The following ZNF410 variants were observed in gnomAD, a reference collection of about 807,000 sequenced individuals.
The protein encoded by ZNF410 is another partner for ARF 1.
A neutral mutation model predicts 54.8 loss-of-function variants in ZNF410; 18 were observed. The ratio of observed to expected loss-of-function variants is 0.33; its 90% CI spans 0.23 to 0.49. The LOEUF is 0.49. Ranked by LOEUF, ZNF410 falls within the 20% of genes least tolerant of loss-of-function variation. ZNF410 has a pLI of 0.99. For missense variants in ZNF410, 405 were observed against 569.6 expected (o/e 0.71, Z 2.94); for synonymous variants, 191 against 207.3 (o/e 0.92, Z 0.68).
At position 73,921,064 on chromosome 14, in the gene ZNF410, T is replaced by TGCAGCTGGGA; in HGVS notation, c.1100_1109dup (p.Gln371SerfsTer11). The TGCAGCTGGGA allele has an allele frequency of 6.2e-7, 1 of 1,613,144 alleles. No homozygotes were observed. Among genetic ancestry groups the TGCAGCTGGGA allele is most frequent in the Non-Finnish European group, 8.5e-7 (1 of 1,179,690 alleles). ...AATGTGCATATGAGAAAGCATCACCTGCAGCTGGGAGCAGCTGGGAGTCAA... is the reference window on the plus strand; with the variant it reads ...AATGTGCATATGAGAAAGCATCACCTGCAGCTGGGAGCAGCTGGGAGCAGCTGGGAGTCAA... On this transcript the variant is annotated frameshift_variant, in exon 9 of 12. Transcript: ENST00000555044. LOFTEE classifies it high-confidence loss of function.
At chr14:73,909,677 A>C in intron 8 of ZNF410, 1 of 384,454 alleles carries the variant, frequency 2.6e-6, no homozygotes, top group Non-Finnish European at 4.7e-6. Context: ...GAGATCAGCA[A>C]ATTTGTTTGG....
chr14:73,916,734 G>A (rs952675782), intron 8 of ZNF410: 2 of 152,066 alleles, frequency 1.3e-5, no homozygotes, highest in Non-Finnish European at 1.5e-5. Context: ...GGCACTTTGG[G>A]AGGCTGAGGC....
chr14:73,924,222 G>A (rs143721911), intron 11 of ZNF410, among the ~76,000 whole-genome samples: 51 of 152,228 alleles, frequency 3.4e-4, no homozygotes, highest in African/African-American at 1.2e-3. Context: ...TAAGGAGTGC[G>A]CAACCTAGAT....
At chr14:73,922,950 T>A (rs978430150) in intron 10 of ZNF410, 1 of 152,732 alleles carries the variant, frequency 6.5e-6, no homozygotes, top group African/African-American at 2.4e-5. Context: ...GGTATATCCA[T>A]AAACTATTTC....
In ZNF410 at chr14:73,891,059, A is replaced by G. The variant is rs534502514; in HGVS notation, c.-149-968A>G. Among the ~76,000 whole-genome samples the G allele has an allele frequency of 3.3e-5, 5 of 151,668 alleles. No individual in the cohort carries two copies. In the East Asian group the frequency reaches 7.8e-4, roughly 24 times the overall value. Reference sequence around the variant, plus strand: ...ACAGCCGCATCAGGGTCCTGAGAGCACTACCTTTGGGAAACGCTCTTCAAA... The same window carrying G: ...ACAGCCGCATCAGGGTCCTGAGAGCGCTACCTTTGGGAAACGCTCTTCAAA... On this transcript the variant is annotated intron_variant, in intron 1 of 11. Coordinates refer to ENST00000555044, the MANE Select transcript of ZNF410 (RefSeq NM_021188.3).
In ZNF410 at chr14:73,889,809, TTTC is replaced by T. The variant is rs796890325; in HGVS notation, c.-149-2216_-149-2214del. On this transcript the variant is annotated intron_variant, in intron 1 of 11. Coordinates refer to ENST00000555044, the MANE Select transcript of ZNF410 (RefSeq NM_021188.3). ...GTAAATGGTTAGTTTTTTTTTTTTT[TTTC>T]TCGACACAGAGTCTTGCTCTGTCGC... 7.9e-4 allele frequency among the ~76,000 whole-genome samples: 77 copies of T among 97,940 alleles called. 1 individual carries two copies. Among genetic ancestry groups the T allele is most frequent in the Admixed American group, 2.7e-3 (23 of 8,456 alleles). The allele number at this position is 97,940 out of a possible 152,430, so 64.3% of individuals were successfully genotyped here. A position where few individuals can be genotyped will look rare whatever the true frequency, so the allele number is the denominator to read the frequency against.
chr14:73,906,722 G>T lies in ZNF410; in HGVS notation c.913+1639G>T, dbSNP rs562900841. Among the ~76,000 whole-genome samples the T allele has an allele frequency of 2.6e-5, 4 of 151,870 alleles. No homozygotes were observed. In the South Asian group the frequency reaches 8.3e-4, roughly 32 times the overall value. ...TCGAATTCCTGACCTCAAGTGATCC[G>T]CCGACCTTGCCCTCCCAAAGTGCTG... On this transcript the variant is annotated intron_variant, in intron 7 of 11. Coordinates refer to ENST00000555044, the MANE Select transcript of ZNF410 (RefSeq NM_021188.3).
chr14:73,906,385 CTG>C (rs201135492), intron 7 of ZNF410: 1 of 152,118 alleles, frequency 6.6e-6, no homozygotes, highest in African/African-American at 2.4e-5. Flanking sequence ...CTGTAACTGA[CTG>C]TGAACATCAG....
intron 4 of ZNF410, 75 bp from the exon 5 acceptor site, chr14:73,897,996 A>G (rs969201320): frequency 5.9e-6 from 7 of 1,194,596 alleles, no homozygotes. Context: ...AAAAAGGGAC[A>G]TGGAGAGTCT....
intron 11 of ZNF410, among the ~76,000 whole-genome samples, chr14:73,926,639 T>C (rs2055837744): frequency 6.6e-6 from 1 of 152,184 alleles, no homozygotes; most frequent in Admixed American, 6.5e-5. Context: ...TTTACCATGT[T>C]GGCCAGGCTG....
At chr14:73,931,429 T>C (rs1594772827) in intron 11 of ZNF410, 74 bp from the exon 12 acceptor site, 1 of 1,369,418 alleles carries the variant, frequency 7.3e-7, no homozygotes, top group Non-Finnish European at 1.0e-6. Context: ...CCACTCTTAA[T>C]ACTTTTTACT....
chr14:73,906,292 C>G (rs1402413130), intron 7 of ZNF410: 5 of 151,416 alleles, frequency 3.3e-5, no homozygotes, highest in African/African-American at 9.8e-5. Context: ...GCTTGAGCCA[C>G]TGTGCCCAGC....
At chr14:73,893,974 A>G in intron 3 of ZNF410, 42 bp downstream of exon 3, 1 of 1,583,994 alleles carries the variant, frequency 6.3e-7, no homozygotes, top group East Asian at 2.2e-5. Flanking sequence ...AGAAGTCTTA[A>G]GAGCTTAGCC....
At chr14:73,889,925 T>A (rs1358492424) in intron 1 of ZNF410, among the ~76,000 whole-genome samples, 4 of 151,060 alleles carry the variant, frequency 2.6e-5, no homozygotes, top group Non-Finnish European at 4.4e-5. Flanking sequence ...GCCTCCTGAG[T>A]AGCTGGGTCT....
intron 1 of ZNF410, among the ~76,000 whole-genome samples, chr14:73,889,504 C>T (rs2055192967): frequency 6.6e-6 from 1 of 151,066 alleles, no homozygotes; most frequent in African/African-American, 2.4e-5. Flanking sequence ...ATTCTTAGGC[C>T]ATGGAGATTC....
chr14:73,887,755 CAACT>C (rs1307165634), intron 1 of ZNF410, among the ~76,000 whole-genome samples: 1 of 152,170 alleles, frequency 6.6e-6, no homozygotes, highest in Non-Finnish European at 1.5e-5. Flanking sequence ...GAGTAAAAGA[CAACT>C]AAAGTAGCAG....
At chr14:73,896,084 C>T (rs1480838870) in intron 3 of ZNF410, 4 of 519,868 alleles carry the variant, frequency 7.7e-6, no homozygotes, top group Admixed American at 3.5e-5. Flanking sequence ...ATTCACCAAC[C>T]ATTACTGCCA....
At chr14:73,902,691 C>T (rs1357486970) in intron 5 of ZNF410, among the ~76,000 whole-genome samples, 2 of 152,258 alleles carry the variant, frequency 1.3e-5, no homozygotes, top group South Asian at 2.1e-4. Flanking sequence ...TGCATATGCT[C>T]ATGGCAGAAT....
Position 73,931,611 on chromosome 14 carries a change from C to T in ZNF410, c.*70C>T. ...AATGCGTATACTGGGAACAGGATGCCTTAGCCCACAACAGAACCAGAATGA... is the reference window on the plus strand; with the variant it reads ...AATGCGTATACTGGGAACAGGATGCTTTAGCCCACAACAGAACCAGAATGA... On this transcript the variant is annotated 3_prime_UTR_variant, in exon 12 of 12. Coordinates refer to ENST00000555044, the MANE Select transcript of ZNF410 (RefSeq NM_021188.3). 6.3e-6 allele frequency: 9 copies of T among 1,424,656 alleles called. No homozygotes were observed. In the South Asian group the frequency reaches 1.1e-4, roughly 17 times the overall value. The allele number at this position is 1,424,656 out of a possible 1,614,324, so 88.3% of individuals were successfully genotyped here. A position where few individuals can be genotyped will look rare whatever the true frequency, so the allele number is the denominator to read the frequency against.
Sources: allele counts gnomAD v4.1 joint callset (sites outside exome capture counted in the v4.1 genomes callset), GRCh38; gene constraint gnomAD v4.1.1; transcripts MANE v1.5; gene names NCBI Gene and HGNC (gene_info 2026-07-23, HGNC 2026-07-21).